The following CDYL2 variants were observed in gnomAD, a reference collection of about 807,000 sequenced individuals.
The protein encoded by CDYL2 is chromodomain Y like 2.
Under a neutral mutation model 49.4 loss-of-function variants are expected in CDYL2, and 23 were observed. The ratio of observed to expected loss-of-function variants is 0.47; its 90% CI spans 0.34 to 0.66. CDYL2 has a LOEUF of 0.66. Among genes scored for constraint, CDYL2 ranks in the 30% least tolerant of loss-of-function variants. The probability of loss-of-function intolerance (pLI) is 0.01; values close to 1 mark genes in which losing one functional copy is unlikely to be tolerated. For missense variants in CDYL2, 678 were observed against 656.4 expected (o/e 1.03, Z -0.36); for synonymous variants, 360 against 268.8 (o/e 1.34, Z -3.32).
At chr16:80,729,520 CT>C (rs1256871811) in intron 1 of CDYL2, among the ~76,000 whole-genome samples, 1 of 152,054 alleles carries the variant, frequency 6.6e-6, no homozygotes, top group African/African-American at 2.4e-5. Flanking sequence ...TAACACCCCA[CT>C]GTCAACATTA....
At chr16:80,741,626 AAAAT>A (rs1400969370) in intron 1 of CDYL2, among the ~76,000 whole-genome samples, 1 of 152,234 alleles carries the variant, frequency 6.6e-6, no homozygotes, top group East Asian at 1.9e-4. Flanking sequence ...ATATCTAAAT[AAAAT>A]AAATAAAACA....
At chr16:80,803,548 G>A (rs1161768593) in intron 1 of CDYL2, among the ~76,000 whole-genome samples, 3 of 151,634 alleles carry the variant, frequency 2.0e-5, no homozygotes, top group African/African-American at 7.3e-5. Flanking sequence ...GAGGTGGCCC[G>A]GGGACCCCGG....
chr16:80,775,469 A>C (rs1157370512), intron 1 of CDYL2, among the ~76,000 whole-genome samples: 2 of 151,934 alleles, frequency 1.3e-5, no homozygotes, highest in Admixed American at 6.6e-5. Flanking sequence ...GGTTGTAACA[A>C]TTAATTAATT....
chr16:80,694,232 T>TG lies in CDYL2; in HGVS notation c.25-9104dup, dbSNP rs547302172. On this transcript the variant is annotated intron_variant, in intron 1 of 6. Coordinates refer to ENST00000570137, the MANE Select transcript of CDYL2 (RefSeq NM_152342.4). ...TACTCCTATGAGAATCTAATGCCACTGCTGATCTGGCAGGAGGCGGAGCTC... is the reference window on the plus strand; with the variant it reads ...TACTCCTATGAGAATCTAATGCCACTGGCTGATCTGGCAGGAGGCGGAGCTC... 7.3e-4 allele frequency among the ~76,000 whole-genome samples: 111 copies of TG among 152,320 alleles called. No homozygotes were observed. In the East Asian group the frequency reaches 0.018, roughly 24 times the overall value.
In CDYL2 at chr16:80,664,887, G is replaced by C. The variant is rs75563349; in HGVS notation, c.616+19651C>G. 5.5e-3 allele frequency among the ~76,000 whole-genome samples: 841 copies of C among 152,256 alleles called. 10 individuals are homozygous for C. Among genetic ancestry groups the C allele is most frequent in the African/African-American group, 0.019 (797 of 41,558 alleles). ...ATTAACTGAGGAACTGCCAGTGCTA[G>C]CAAGAGGGTTTGGCTTAGCAAGGGC... On this transcript the variant is annotated intron_variant, in intron 2 of 6. Coordinates refer to ENST00000570137, the MANE Select transcript of CDYL2 (RefSeq NM_152342.4).
chr16:80,779,103 A>G (rs1253521591), intron 1 of CDYL2, among the ~76,000 whole-genome samples: 1 of 152,076 alleles, frequency 6.6e-6, no homozygotes, highest in African/African-American at 2.4e-5. Context: ...GGAAGAAAAG[A>G]AGGAAGGAAG....
At chr16:80,644,939 T>G (rs970674525) in intron 2 of CDYL2, among the ~76,000 whole-genome samples, 1 of 152,102 alleles carries the variant, frequency 6.6e-6, no homozygotes, top group East Asian at 1.9e-4. Context: ...TAGCCATATG[T>G]AGAAAGCTGA....
At chr16:80,663,764 T>G (rs890321290) in intron 2 of CDYL2, among the ~76,000 whole-genome samples, 7 of 152,194 alleles carry the variant, frequency 4.6e-5, no homozygotes, top group African/African-American at 1.7e-4. Context: ...AGCTAATTTT[T>G]GTATTTCTAG....
chr16:80,614,168 G>C (rs1418704993), intron 4 of CDYL2, among the ~76,000 whole-genome samples: 1 of 152,216 alleles, frequency 6.6e-6, no homozygotes, highest in Non-Finnish European at 1.5e-5. Flanking sequence ...CAAGAACAAA[G>C]ACTGCAGAGG....
intron 2 of CDYL2, among the ~76,000 whole-genome samples, chr16:80,659,596 T>G (rs527360778): frequency 3.9e-5 from 6 of 152,072 alleles, no homozygotes; most frequent in South Asian, 2.1e-4. Context: ...GTTTATATAA[T>G]GTGTATATAT....
At chr16:80,730,388 C>G (rs1321440338) in intron 1 of CDYL2, among the ~76,000 whole-genome samples, 3 of 151,970 alleles carry the variant, frequency 2.0e-5, no homozygotes, top group African/African-American at 4.8e-5. Context: ...TACACTCTCC[C>G]AAGACTAAAC....
At chr16:80,679,683 A>T in intron 2 of CDYL2, 1 of 456,078 alleles carries the variant, frequency 2.2e-6, no homozygotes, top group South Asian at 1.5e-5. Context: ...AGTCTTATGA[A>T]TGCCAACTCC....
At chr16:80,671,069 T>C in intron 2 of CDYL2, 1 of 450,172 alleles carries the variant, frequency 2.2e-6, no homozygotes, top group Middle Eastern at 3.6e-4. Context: ...TGGAGGCTTC[T>C]CTCTCCTGCC....
At chr16:80,744,849 T>A (rs150285736) in intron 1 of CDYL2, among the ~76,000 whole-genome samples, 471 of 152,194 alleles carry the variant, frequency 3.1e-3, no homozygotes, top group African/African-American at 0.011. Context: ...AAGTGGACAG[T>A]CCTGGATCCC....
At chr16:80,787,979 C>A (rs1907491067) in intron 1 of CDYL2, among the ~76,000 whole-genome samples, 1 of 152,006 alleles carries the variant, frequency 6.6e-6, no homozygotes, top group Non-Finnish European at 1.5e-5. Flanking sequence ...CATCACAGTC[C>A]ACCAGGTACA....
chr16:80,631,859 G>A, intron 3 of CDYL2, among the ~76,000 whole-genome samples: 1 of 152,168 alleles, frequency 6.6e-6, no homozygotes. Flanking sequence ...ACATGCACTA[G>A]TATTGCTATA....
chr16:80,759,270 G>C (rs191431210), intron 1 of CDYL2, among the ~76,000 whole-genome samples: 2 of 150,682 alleles, frequency 1.3e-5, no homozygotes, highest in Non-Finnish European at 3.0e-5. Context: ...TTCTGTGTTG[G>C]GTATATTTGT....
At position 80,608,130 on chromosome 16, in the gene CDYL2, T is replaced by C. The variant is rs1322034844; in HGVS notation, c.1324A>G (p.Met442Val). 6.2e-7 allele frequency: 1 copy of C among 1,604,892 alleles called. No individual in the cohort carries two copies. Among genetic ancestry groups the C allele is most frequent in the Admixed American group, 1.7e-5 (1 of 59,116 alleles). ...FWPTTFSQEV[M>V]LRVKEMASCS... is the part of the protein sequence containing the mutation. ...GATGCCATCTCCTTGACCCGCAGCATGACCTCCTGGCTGAACGTGGTGGGC... is the reference window on the plus strand; with the variant it reads ...GATGCCATCTCCTTGACCCGCAGCACGACCTCCTGGCTGAACGTGGTGGGC... Residue 442 changes from methionine to valine, a missense_variant, in exon 6 of 7, where the codon ATG becomes GTG. Physicochemically the swap from Met to Val is conservative, Grantham distance 21. Around this residue, in one of 3 missense-constraint regions of CDYL2, gnomAD observed 153 missense variants for 150.6 expected, o/e 1.02. Coordinates refer to ENST00000570137, the MANE Select transcript of CDYL2 (RefSeq NM_152342.4).
intron 2 of CDYL2, among the ~76,000 whole-genome samples, chr16:80,645,873 A>G (rs1231809783): frequency 6.6e-6 from 1 of 151,548 alleles, no homozygotes; most frequent in Non-Finnish European, 1.5e-5. Context: ...TTCTCAGCAA[A>G]CTATCTCAAG....
Sources: allele counts gnomAD v4.1 joint callset (sites outside exome capture counted in the v4.1 genomes callset), GRCh38; gene constraint gnomAD v4.1.1; regional missense constraint gnomAD v4.1.1; transcripts MANE v1.5; gene names NCBI Gene and HGNC (gene_info 2026-07-23, HGNC 2026-07-21).